SLC25A24: variants seen among roughly 807,000 people sequenced by gnomAD.
SLC25A24 encodes the protein solute carrier family 25 member 24.
Under a neutral mutation model 60.7 loss-of-function variants are expected in SLC25A24, and 49 were observed. The observed-to-expected ratio is 0.81, with a 90% CI of 0.64 to 1.02. SLC25A24 has a LOEUF of 1.02. Among genes scored for constraint, SLC25A24 ranks in the 50% least tolerant of loss-of-function variants. SLC25A24 has a pLI of 0.00. For synonymous variants in SLC25A24, 202 were observed against 200.6 expected (o/e 1.01, Z -0.06); for missense variants, 564 against 586.3 (o/e 0.96, Z 0.39).
In SLC25A24 at chr1:108,135,231, C is replaced by T. The variant is rs1341955940; in HGVS notation, c.*1422G>A. 6.6e-6 allele frequency: 1 copy of T among 152,446 alleles called. No homozygotes were observed. Among genetic ancestry groups the T allele is most frequent in the Non-Finnish European group, 1.5e-5 (1 of 67,972 alleles). The allele number at this position is 152,446 out of a possible 1,614,324, so 9.4% of individuals were successfully genotyped here. A position where few individuals can be genotyped will look rare whatever the true frequency, so the allele number is the denominator to read the frequency against. On this transcript the variant is annotated 3_prime_UTR_variant, in exon 10 of 10. Coordinates refer to ENST00000565488, the MANE Select transcript of SLC25A24 (RefSeq NM_013386.5). ...AACATAACTAATATAAATGAAACTA[C>T]ATTTTTAAAAATGTTTCACAAACAC...
chr1:108,147,299 C>T (rs1679630595), intron 7 of SLC25A24, among the ~76,000 whole-genome samples: 1 of 151,858 alleles, frequency 6.6e-6, no homozygotes, highest in Non-Finnish European at 1.5e-5. Flanking sequence ...TTTGATTCTC[C>T]TCTGTTTTCT....
In SLC25A24 at chr1:108,143,566, C is replaced by A; in HGVS notation, c.1075G>T (p.Gly359Cys). Residue 359 changes from glycine (G) to cysteine (C), a missense_variant, in exon 8 of 10, where the codon GGC becomes TGC. Coordinates refer to ENST00000565488, the MANE Select transcript of SLC25A24 (RefSeq NM_013386.5). ...ACCTCATACACAGCAAGATCTATGC[C>A]TGCATAAGGTATGATACCTAATAAA... The part of the protein sequence containing the change: ...PNLLGIIPYA[G>C]IDLAVYELLK... 6.2e-7 allele frequency: 1 copy of A among 1,612,788 alleles called. No individual in the cohort carries two copies. Among genetic ancestry groups the A allele is most frequent in the Non-Finnish European group, 8.5e-7 (1 of 1,179,554 alleles).
chr1:108,186,040 G>T, intron 1 of SLC25A24, 86 bp from the exon 2 acceptor site: 2 of 1,093,948 alleles, frequency 1.8e-6, no homozygotes, highest in Non-Finnish European at 2.6e-6. Context: ...CAGATTAGCT[G>T]TTTTCCTAAA....
intron 1 of SLC25A24, among the ~76,000 whole-genome samples, chr1:108,193,171 T>C (rs922080463): frequency 2.1e-5 from 3 of 139,718 alleles, no homozygotes; most frequent in African/African-American, 7.5e-5. Flanking sequence ...ATCCTTATAA[T>C]GATTTTTTAA....
At chr1:108,154,156 C>A (rs683016) in intron 6 of SLC25A24, among the ~76,000 whole-genome samples, 1 of 148,688 alleles carries the variant, frequency 6.7e-6, no homozygotes, top group Non-Finnish European at 1.5e-5. Flanking sequence ...AGAGTATTCT[C>A]TTGCTCAAGA....
At chr1:108,154,701 G>T (rs957299365) in intron 6 of SLC25A24, among the ~76,000 whole-genome samples, 8 of 152,058 alleles carry the variant, frequency 5.3e-5, no homozygotes, top group South Asian at 2.1e-4. Flanking sequence ...TTCTGCTCAG[G>T]ATTCAGAATG....
At position 108,200,167 on chromosome 1, in the gene SLC25A24, AG is replaced by A. The variant is rs1648619619; in HGVS notation, c.-30del. On this transcript the variant is annotated 5_prime_UTR_variant, in exon 1 of 10. Coordinates refer to ENST00000565488, the MANE Select transcript of SLC25A24 (RefSeq NM_013386.5). ...CCCAGAGGCGCAGGCGGCCTGGCCGAGGAAGTCACGGGAGATCGAGGGCTGC... is the reference window on the plus strand; with the variant it reads ...CCCAGAGGCGCAGGCGGCCTGGCCGAGAAGTCACGGGAGATCGAGGGCTGC... 5.9e-6 allele frequency: 9 copies of A among 1,533,256 alleles called. No individual in the cohort carries two copies. In the African/African-American group the frequency reaches 6.9e-5, roughly 12 times the overall value. The allele number at this position is 1,533,256 out of a possible 1,614,324, so 95.0% of individuals were successfully genotyped here. A position where few individuals can be genotyped will look rare whatever the true frequency, so the allele number is the denominator to read the frequency against.
intron 3 of SLC25A24, among the ~76,000 whole-genome samples, chr1:108,173,139 G>T (rs1436809923): frequency 6.6e-6 from 1 of 152,114 alleles, no homozygotes; most frequent in Non-Finnish European, 1.5e-5. Context: ...GGGCAAGGTG[G>T]GTGGATTGCT....
chr1:108,141,400 C>T (rs549039429), intron 8 of SLC25A24, among the ~76,000 whole-genome samples: 1 of 152,160 alleles, frequency 6.6e-6, no homozygotes, highest in African/African-American at 2.4e-5. Flanking sequence ...TCTTGGTGTA[C>T]ATTGATAGAA....
chr1:108,159,531 C>T (rs1679997755), intron 4 of SLC25A24, among the ~76,000 whole-genome samples: 1 of 142,678 alleles, frequency 7.0e-6, no homozygotes, highest in Non-Finnish European at 1.5e-5. Flanking sequence ...TTGGCAGGGT[C>T]ACAGGACAAT....
At chr1:108,139,483 T>C (rs192678374) in intron 8 of SLC25A24, among the ~76,000 whole-genome samples, 327 of 152,292 alleles carry the variant, frequency 2.1e-3, no homozygotes, top group Non-Finnish European at 3.6e-3. Context: ...GAACACCTCT[T>C]ATGGTGAGTA....
At chr1:108,185,705 G>A (rs1571307772) in intron 2 of SLC25A24, 123 bp downstream of exon 2, 2 of 714,250 alleles carry the variant, frequency 2.8e-6, no homozygotes, top group Non-Finnish European at 4.4e-6. Context: ...CTAAAAAAAA[G>A]TATTAACACA....
chr1:108,142,492 T>C (rs966348032), intron 8 of SLC25A24, among the ~76,000 whole-genome samples: 1 of 152,152 alleles, frequency 6.6e-6, no homozygotes, highest in African/African-American at 2.4e-5. Context: ...CTTAGAGACA[T>C]TATGCTAAGA....
chr1:108,166,388 T>C (rs974592589), intron 3 of SLC25A24, among the ~76,000 whole-genome samples: 4 of 152,082 alleles, frequency 2.6e-5, no homozygotes, highest in Admixed American at 2.6e-4. Context: ...CTGCAGAGTG[T>C]TTTCCAACTT....
chr1:108,177,106 C>T (rs1354881456), intron 3 of SLC25A24, among the ~76,000 whole-genome samples: 4 of 152,018 alleles, frequency 2.6e-5, no homozygotes, highest in Non-Finnish European at 5.9e-5. Context: ...ATCAAAAATT[C>T]AAAATTTCAG....
At chr1:108,145,818 T>C (rs1470756066) in intron 7 of SLC25A24, among the ~76,000 whole-genome samples, 2 of 152,208 alleles carry the variant, frequency 1.3e-5, no homozygotes, top group African/African-American at 4.8e-5. Context: ...TTGTAGTATG[T>C]TTGAAGTCAG....
At chr1:108,171,636 T>C (rs1288840444) in intron 3 of SLC25A24, among the ~76,000 whole-genome samples, 1 of 152,240 alleles carries the variant, frequency 6.6e-6, no homozygotes, top group Non-Finnish European at 1.5e-5. Flanking sequence ...AGTCCATTAT[T>C]GCAACGTGGT....
At chr1:108,147,550 T>A (rs1027705256) in intron 7 of SLC25A24, among the ~76,000 whole-genome samples, 1 of 152,220 alleles carries the variant, frequency 6.6e-6, no homozygotes, top group Non-Finnish European at 1.5e-5. Flanking sequence ...GTTGCCCACT[T>A]TTTAAAAATG....
intron 7 of SLC25A24, among the ~76,000 whole-genome samples, chr1:108,145,335 G>C (rs1679555559): frequency 6.6e-6 from 1 of 151,996 alleles, no homozygotes; most frequent in African/African-American, 2.4e-5. Context: ...TGGATAGATT[G>C]CAAAATTTTT....
Sources: gnomAD v4.1 joint callset for allele counts (sites outside exome capture counted in the v4.1 genomes callset) on GRCh38, gnomAD v4.1.1 for gene constraint, MANE v1.5 for transcripts, NCBI Gene and HGNC (gene_info 2026-07-23, HGNC 2026-07-21) for gene names.